The following WSB1 variants were observed in gnomAD, a reference collection of about 807,000 sequenced individuals.
The protein encoded by WSB1 is WD repeat and SOCS box-containing protein 1.
In WSB1, 23 loss-of-function variants were observed where a neutral mutation model predicts 50.2. The ratio of observed to expected loss-of-function variants is 0.46; its 90% confidence interval spans 0.33 to 0.65. WSB1 has a LOEUF of 0.65. WSB1 is among the 30% of genes least tolerant of loss of function. WSB1 has a pLI of 0.02. For synonymous variants in WSB1, 179 were observed against 172.0 expected, an observed-to-expected ratio of 1.04 and a Z score of -0.32; for missense variants, 492 against 522.3, an observed-to-expected ratio of 0.94 and a Z score of 0.56.
At chr17:27,301,528 GT>G (rs988011687) in intron 1 of WSB1, among the ~76,000 whole-genome samples, 2 of 151,822 alleles carry the variant, frequency 1.3e-5, no homozygotes, top group Admixed American at 1.3e-4. Flanking sequence ...TTATTGACCA[GT>G]TTTTTTTACG....
intron 5 of WSB1, 71 bp downstream of exon 5, chr17:27,306,953 C>A (rs1207410680): frequency 3.5e-6 from 5 of 1,425,138 alleles, no homozygotes; most frequent in Non-Finnish European, 9.8e-7. Flanking sequence ...CATTTTAAAT[C>A]TAAGTAACCT....
chr17:27,305,632 A>C (rs1363301775), intron 4 of WSB1, among the ~76,000 whole-genome samples: 1 of 152,198 alleles, frequency 6.6e-6, no homozygotes, highest in East Asian at 1.9e-4. Context: ...GCCTAGGGGT[A>C]ATAAAGCTTA....
At position 27,294,323 on chromosome 17, in the gene WSB1, C is replaced by T. The variant is rs1474882238; in HGVS notation, c.-73C>T. ...GGAGGGACCAACTTGGCGTCACGCC[C>T]CTCAGCGGTCGCCACTCTCTTCTCT... is the stretch of plus-strand genomic sequence containing the variant. On this transcript the variant is annotated 5_prime_UTR_variant, in exon 1 of 9. Coordinates refer to ENST00000262394, the MANE Select transcript of WSB1 (RefSeq NM_015626.10). The T allele has an allele frequency of 2.5e-6, 4 of 1,586,684 alleles. No homozygotes were observed. The highest frequency in any genetic ancestry group is 2.3e-5 in the East Asian group (1 of 43,952).
At chr17:27,300,382 A>T (rs1223889646) in intron 1 of WSB1, among the ~76,000 whole-genome samples, 4 of 152,178 alleles carry the variant, frequency 2.6e-5, no homozygotes, top group Non-Finnish European at 5.9e-5. Flanking sequence ...TAGGTGATAC[A>T]CTGATAAAGA....
intron 1 of WSB1, 40 bp from the exon 2 acceptor site, chr17:27,301,748 G>A (rs1454156503): frequency 6.3e-7 from 1 of 1,597,512 alleles, no homozygotes; most frequent in Non-Finnish European, 8.6e-7. Context: ...ATGTATTGTT[G>A]GTTATATATG....
chr17:27,294,935 T>C (rs542823753), intron 1 of WSB1, among the ~76,000 whole-genome samples: 187 of 152,288 alleles, frequency 1.2e-3, no homozygotes, highest in African/African-American at 4.4e-3. Context: ...TGGTGTGGCC[T>C]TAAGAAACGC....
chr17:27,308,259 T>G, intron 5 of WSB1: 4 of 986,200 alleles, frequency 4.1e-6, no homozygotes, highest in Non-Finnish European at 4.8e-6. Flanking sequence ...GAGATTGTCT[T>G]AGGATAAACC....
At chr17:27,304,535 CAAAAAAAAAAA>C (rs10660665) in intron 3 of WSB1, among the ~76,000 whole-genome samples, 34 of 38,694 alleles carry the variant, frequency 8.8e-4, no homozygotes, top group South Asian at 3.8e-3. Flanking sequence ...TCCATCTCTC[CAAAAAAAAAAA>C]AAAAAAAAAA....
chr17:27,307,911 C>T, intron 5 of WSB1: 4 of 1,300,270 alleles, frequency 3.1e-6, no homozygotes, highest in African/African-American at 1.5e-5. Flanking sequence ...GTGTACTGTA[C>T]GTACACAGGT....
rs530907354 is a variant in WSB1 at position 27,294,186 on chromosome 17, A to T, written c.-210A>T. Reference sequence around the variant, plus strand: ...AGGCGCGAGGCTGGGTACAGGGTCTATTGTCTGTGGTTGACTCCGTACTTT... The same window carrying T: ...AGGCGCGAGGCTGGGTACAGGGTCTTTTGTCTGTGGTTGACTCCGTACTTT... On this transcript the variant is annotated 5_prime_UTR_variant, in exon 1 of 9. Transcript: ENST00000262394. The T allele has an allele frequency of 5.8e-6, 3 of 521,358 alleles. No homozygotes were observed. In the Admixed American group the frequency reaches 1.1e-4, roughly 19 times the overall value. The allele number at this position is 521,358 out of a possible 1,614,324, so 32.3% of individuals were successfully genotyped here. A position where few individuals can be genotyped will look rare whatever the true frequency, so the allele number is the denominator to read the frequency against.
chr17:27,294,860 C>T (rs1314079184), intron 1 of WSB1, among the ~76,000 whole-genome samples: 5 of 152,128 alleles, frequency 3.3e-5, no homozygotes, highest in African/African-American at 1.2e-4. Context: ...ACCAACCACT[C>T]TTAGATAGAA....
Position 27,309,185 on chromosome 17 carries a change from C to T in WSB1, c.797C>T (p.Pro266Leu). Residue 266 changes from proline to leucine, a missense_variant, in exon 6 of 9, where the codon CCT becomes CTT. Transcript: ENST00000262394. ...HHDVVACDFS[P>L]DGALLATASY... The stretch of plus-strand genomic sequence containing the variant: ...GATGTGGTAGCTTGTGACTTTTCTC[C>T]TGATGGAGCATTACTGGCTACTGCA... The T allele has an allele frequency of 6.2e-7, 1 of 1,613,558 alleles. No homozygotes were observed. The highest frequency in any genetic ancestry group is 1.1e-5 in the South Asian group (1 of 91,030).
Position 27,295,775 on chromosome 17 carries a change from A to T in WSB1, c.40+1340A>T, listed in dbSNP as rs570873646. Among the ~76,000 whole-genome samples, 343 of 151,930 alleles carry T rather than the reference A, an allele frequency of 2.3e-3. 1 individual carries two copies. Among genetic ancestry groups the T allele is most frequent in the Non-Finnish European group, 3.8e-3 (255 of 67,942 alleles). ...TAGACGAGTGATCTGCCTTTTTTTT[A>T]AATCTGTATTTTACTTCATCCTGAT... On this transcript the variant is annotated intron_variant, in intron 1 of 8. Transcript: ENST00000262394.
chr17:27,304,437 G>T (rs1443734982), intron 3 of WSB1, among the ~76,000 whole-genome samples: 3 of 148,006 alleles, frequency 2.0e-5, no homozygotes, highest in African/African-American at 7.5e-5. Flanking sequence ...TAAAGTTCAT[G>T]CCTGTAATTC....
intron 5 of WSB1, chr17:27,308,799 T>G: frequency 9.9e-7 from 1 of 1,013,370 alleles, no homozygotes; most frequent in Non-Finnish European, 1.2e-6. Flanking sequence ...TTAATTAGTT[T>G]TTGGAATAAA....
At chr17:27,306,400 G>C (rs1423262394) in intron 4 of WSB1, among the ~76,000 whole-genome samples, 1 of 151,854 alleles carries the variant, frequency 6.6e-6, no homozygotes, top group African/African-American at 2.4e-5. Context: ...TTTTTTAGTA[G>C]AGATGGGTTT....
chr17:27,304,259 A>G (rs1446306791), intron 3 of WSB1, among the ~76,000 whole-genome samples: 2 of 152,120 alleles, frequency 1.3e-5, no homozygotes, highest in African/African-American at 2.4e-5. Flanking sequence ...AGATGAACAC[A>G]TAGATTGTCT....
chr17:27,312,598 C>T lies in WSB1; in HGVS notation c.*229C>T, dbSNP rs1251973857. 9.9e-6 allele frequency: 5 copies of T among 506,862 alleles called. No individual in the cohort carries two copies. The highest frequency in any genetic ancestry group is 1.7e-5 in the Non-Finnish European group (5 of 299,994). 31.4% of individuals were successfully genotyped at this position (506,862 alleles called of 1,614,324 possible). ...TTTTTTAAAGATCTAACTGTGAAAA[C>T]ATACATACCTGTACATATTTAGATA... On this transcript the variant is annotated 3_prime_UTR_variant, in exon 9 of 9. Transcript: ENST00000262394.
rs1222487053 is a variant in WSB1, at chr17:27,309,148, G to A, written c.760G>A (p.Gly254Arg). The change falls in exon 6 of 9, where the codon GGA (glycine) becomes AGA (arginine). Residue 254 changes from glycine to arginine, a missense_variant. Transcript: ENST00000262394. The stretch of plus-strand genomic sequence containing the variant: ...ATACACCATGATACGGAAACTAGAA[G>A]GACATCACCATGATGTGGTAGCTTG... ...DKYTMIRKLE[G>R]HHHDVVACDF... 6.2e-7 allele frequency: 1 copy of A among 1,612,618 alleles called. No homozygotes were observed. The highest frequency in any genetic ancestry group is 8.5e-7 in the Non-Finnish European group (1 of 1,179,462).
Sources: allele counts gnomAD v4.1 joint callset (sites outside exome capture counted in the v4.1 genomes callset), GRCh38; gene constraint gnomAD v4.1.1; transcripts MANE v1.5; gene names NCBI Gene and HGNC (gene_info 2026-07-23, HGNC 2026-07-21).